Variants in NRG3 observed in about 807,000 individuals in gnomAD.
NRG3 encodes neuregulin 3, also known as pro-neuregulin-3, membrane-bound isoform.
NRG3 carries 31 observed loss-of-function variants against 66.9 expected under a neutral mutation model. The observed-to-expected ratio is 0.46, with a 90% CI of 0.35 to 0.63. The LOEUF (loss-of-function observed/expected upper bound fraction) is 0.63. NRG3 is among the 20% of genes least tolerant of loss of function. The pLI is 0.00. For missense variants in NRG3, 910 were observed against 878.9 expected (o/e 1.04, Z -0.45); for synonymous variants, 393 against 359.4 (o/e 1.09, Z -1.06).
chr10:82,007,113 A>C (rs1404924907), intron 1 of NRG3, among the ~76,000 whole-genome samples: 1 of 152,248 alleles, frequency 6.6e-6, no homozygotes, highest in African/African-American at 2.4e-5. Flanking sequence ...TTAATCTAAA[A>C]GTCTTACCTA....
chr10:81,972,217 A>G lies in NRG3; in HGVS notation c.823+96054A>G, dbSNP rs549826947. ...TCAAGTAATGTAAGTACATTCTATG[A>G]AGGAAATTAAAGAATATCTATAGGA... On this transcript the variant is annotated intron_variant, in intron 1 of 8. Transcript: ENST00000372141. Among the ~76,000 whole-genome samples the G allele has an allele frequency of 9.2e-5, 14 of 152,338 alleles. No homozygotes were observed. In the South Asian group the frequency reaches 2.9e-3, roughly 32 times the overall value.
At chr10:82,451,419 T>G (rs2091012626) in intron 2 of NRG3, among the ~76,000 whole-genome samples, 3 of 152,148 alleles carry the variant, frequency 2.0e-5, no homozygotes, top group African/African-American at 7.2e-5. Context: ...GAATCACCTG[T>G]GACCATGATG....
intron 1 of NRG3, among the ~76,000 whole-genome samples, chr10:81,905,763 A>G (rs756130039): frequency 3.9e-5 from 6 of 152,108 alleles, no homozygotes; most frequent in Non-Finnish European, 8.8e-5. Context: ...CAGCCCTCAC[A>G]CTATGGCTAG....
chr10:82,833,490 AC>A (rs1342498052), intron 3 of NRG3, among the ~76,000 whole-genome samples: 2 of 151,968 alleles, frequency 1.3e-5, no homozygotes, highest in African/African-American at 4.8e-5. Flanking sequence ...ACCTGTTTGG[AC>A]TTTCATGAGT....
At chr10:82,670,236 T>G (rs2134030408) in intron 2 of NRG3, among the ~76,000 whole-genome samples, 1 of 152,224 alleles carries the variant, frequency 6.6e-6, no homozygotes, top group Middle Eastern at 3.4e-3. Flanking sequence ...TCTCTTTGCC[T>G]TCTTTCACAT....
In NRG3 at chr10:82,938,133, C is replaced by T. The variant is rs144695741; in HGVS notation, c.1055-13336C>T. On this transcript the variant is annotated intron_variant, in intron 4 of 8. Transcript: ENST00000372141. ...TGATTGATTGATTGGATTGCTTCTACGGTGCCTACTAGAAAGCTTTGGAAG... is the reference window on the plus strand; with the variant it reads ...TGATTGATTGATTGGATTGCTTCTATGGTGCCTACTAGAAAGCTTTGGAAG... Among the ~76,000 whole-genome samples the T allele has an allele frequency of 1.2e-3, 189 of 152,234 alleles. 1 individual carries two copies. Among genetic ancestry groups the T allele is most frequent in the African/African-American group, 4.2e-3 (175 of 41,538 alleles).
chr10:82,962,386 G>T (rs1250361025), intron 6 of NRG3, among the ~76,000 whole-genome samples: 1 of 151,960 alleles, frequency 6.6e-6, no homozygotes, highest in Non-Finnish European at 1.5e-5. Context: ...AAAATCAAGA[G>T]AAAATATTCA....
intron 3 of NRG3, among the ~76,000 whole-genome samples, chr10:82,780,959 T>C (rs2060097844): frequency 6.6e-6 from 1 of 152,172 alleles, no homozygotes; most frequent in African/African-American, 2.4e-5. Flanking sequence ...GGCACTTCCC[T>C]TGGCCTCTTG....
chr10:82,180,263 A>G (rs866038856), intron 1 of NRG3, among the ~76,000 whole-genome samples: 3 of 151,836 alleles, frequency 2.0e-5, no homozygotes, highest in Non-Finnish European at 2.9e-5. Flanking sequence ...TGCTCACACT[A>G]GAACTTCAGT....
intron 1 of NRG3, among the ~76,000 whole-genome samples, chr10:82,012,762 C>T (rs1477427397): frequency 6.6e-6 from 1 of 152,134 alleles, no homozygotes; most frequent in Admixed American, 6.5e-5. Flanking sequence ...AAAATGTGAC[C>T]AGTCTGTTTG....
At chr10:82,418,650 G>C (rs1349204247) in intron 2 of NRG3, among the ~76,000 whole-genome samples, 1 of 152,122 alleles carries the variant, frequency 6.6e-6, no homozygotes, top group Admixed American at 6.5e-5. Flanking sequence ...GCCTAGGCTG[G>C]AGTGCAGCAG....
intron 6 of NRG3, among the ~76,000 whole-genome samples, chr10:82,967,342 T>G (rs1213396574): frequency 6.6e-6 from 1 of 152,148 alleles, no homozygotes; most frequent in Non-Finnish European, 1.5e-5. Context: ...CCCCCAAATC[T>G]AATCCATAAC....
At chr10:81,981,239 G>C (rs186903340) in intron 1 of NRG3, among the ~76,000 whole-genome samples, 1 of 152,200 alleles carries the variant, frequency 6.6e-6, no homozygotes, top group African/African-American at 2.4e-5. Context: ...TTTCACTCCA[G>C]CTGTGAACTT....
chr10:82,387,181 C>A (rs943878580), intron 2 of NRG3, among the ~76,000 whole-genome samples: 11 of 152,148 alleles, frequency 7.2e-5, no homozygotes, highest in African/African-American at 9.6e-5. Flanking sequence ...TTATTTTTTT[C>A]TTTTTCTTAT....
intron 2 of NRG3, among the ~76,000 whole-genome samples, chr10:82,448,369 G>T (rs1171698571): frequency 6.6e-6 from 1 of 152,138 alleles, no homozygotes; most frequent in Non-Finnish European, 1.5e-5. Context: ...TTAAGATATG[G>T]ATTTAAAAAT....
intron 3 of NRG3, among the ~76,000 whole-genome samples, chr10:82,742,704 T>C (rs376872557): frequency 2.3e-4 from 35 of 152,096 alleles, no homozygotes; most frequent in African/African-American, 8.4e-4. Flanking sequence ...TATTTCTGCC[T>C]CCTGCCTCCT....
At chr10:82,823,246 G>A (rs1370085789) in intron 3 of NRG3, among the ~76,000 whole-genome samples, 2 of 152,134 alleles carry the variant, frequency 1.3e-5, no homozygotes, top group Non-Finnish European at 2.9e-5. Context: ...AGTAGGTGTG[G>A]GGATGTAAGA....
intron 1 of NRG3, among the ~76,000 whole-genome samples, chr10:82,019,453 A>C (rs2061953397): frequency 6.7e-6 from 1 of 148,166 alleles, no homozygotes; most frequent in Non-Finnish European, 1.5e-5. Context: ...TGGCCTCATA[A>C]AATGAGTTAG....
At chr10:82,479,724 T>C in intron 2 of NRG3, among the ~76,000 whole-genome samples, 1 of 147,560 alleles carries the variant, frequency 6.8e-6, no homozygotes, top group South Asian at 2.2e-4. Context: ...TCCCAGCACG[T>C]TGGGAGGCCG....
Sources: gnomAD v4.1 joint callset for allele counts (sites outside exome capture counted in the v4.1 genomes callset) on GRCh38, gnomAD v4.1.1 for gene constraint, MANE v1.5 for transcripts, NCBI Gene and HGNC (gene_info 2026-07-23, HGNC 2026-07-21) for gene names.